The following COL25A1 variants were observed in gnomAD, a reference collection of about 807,000 sequenced individuals.
The protein encoded by COL25A1 is collagen alpha-1(XXV) chain.
A neutral mutation model predicts 128.4 loss-of-function variants in COL25A1; 103 were observed. The observed-to-expected ratio is 0.80, with a 90% confidence interval of 0.68 to 0.94. The LOEUF is 0.94. Ranked by LOEUF, COL25A1 falls within the 40% of genes least tolerant of loss-of-function variation. The pLI is 0.00. For missense variants in COL25A1, 745 were observed against 840.0 expected (o/e 0.89, Z 1.40); for synonymous variants, 279 against 277.2 (o/e 1.01, Z -0.06).
chr4:109,065,296 T>C (rs1762323971), intron 3 of COL25A1, among the ~76,000 whole-genome samples: 1 of 152,122 alleles, frequency 6.6e-6, no homozygotes, highest in Non-Finnish European at 1.5e-5. Flanking sequence ...GAGGACTGTT[T>C]AGAAGTAGGA....
At chr4:109,252,298 G>A (rs1222843683) in intron 3 of COL25A1, among the ~76,000 whole-genome samples, 1 of 152,200 alleles carries the variant, frequency 6.6e-6, no homozygotes, top group Non-Finnish European at 1.5e-5. Flanking sequence ...GGGACTAAGT[G>A]CTGGTCTCTG....
chr4:109,151,027 G>T (rs1257064944), intron 3 of COL25A1, among the ~76,000 whole-genome samples: 1 of 151,998 alleles, frequency 6.6e-6, no homozygotes, highest in Non-Finnish European at 1.5e-5. Flanking sequence ...CTGCAAAAAA[G>T]AGAAATTTGA....
chr4:108,828,424 C>T (rs1484646707), intron 32 of COL25A1, among the ~76,000 whole-genome samples: 3 of 152,124 alleles, frequency 2.0e-5, no homozygotes, highest in African/African-American at 2.4e-5. Flanking sequence ...CGTGAGCCAC[C>T]GTGCCTGGCC....
chr4:109,266,022 G>GTT (rs77148435), intron 3 of COL25A1, among the ~76,000 whole-genome samples: 3 of 151,720 alleles, frequency 2.0e-5, no homozygotes, highest in Admixed American at 2.0e-4. Context: ...CTGTGTTAAA[G>GTT]TTTTTTTTAA....
intron 6 of COL25A1, among the ~76,000 whole-genome samples, chr4:108,993,274 C>A (rs930444756): frequency 1.3e-4 from 20 of 152,186 alleles, no homozygotes; most frequent in African/African-American, 4.8e-4. Context: ...CGCATGAGAA[C>A]ACGAGGTATT....
intron 10 of COL25A1, among the ~76,000 whole-genome samples, chr4:108,939,111 G>C (rs1198478938): frequency 6.6e-6 from 1 of 152,104 alleles, no homozygotes; most frequent in Non-Finnish European, 1.5e-5. Flanking sequence ...TTTCAGTATA[G>C]TATAGCATAT....
At chr4:108,942,140 G>A in intron 8 of COL25A1, 1 of 1,488,074 alleles carries the variant, frequency 6.7e-7, no homozygotes, top group Non-Finnish European at 9.2e-7. Flanking sequence ...CAAGCCAATT[G>A]AATGGTTCCT....
chr4:109,155,664 A>T (rs1321295353), intron 3 of COL25A1, among the ~76,000 whole-genome samples: 1 of 152,242 alleles, frequency 6.6e-6, no homozygotes, highest in Non-Finnish European at 1.5e-5. Flanking sequence ...TATTGCTATG[A>T]TGTTCAAAAT....
intron 15 of COL25A1, among the ~76,000 whole-genome samples, chr4:108,897,386 T>A (rs975340216): frequency 6.6e-6 from 1 of 152,210 alleles, no homozygotes; most frequent in South Asian, 2.1e-4. Flanking sequence ...TACAAAGCAA[T>A]GCATTAGGGA....
intron 3 of COL25A1, among the ~76,000 whole-genome samples, chr4:109,167,347 G>A (rs1773165802): frequency 1.3e-5 from 2 of 152,240 alleles, no homozygotes; most frequent in South Asian, 4.1e-4. Context: ...TCTGAGTTAT[G>A]CCCTATAACT....
chr4:109,244,664 T>C (rs1780143496), intron 3 of COL25A1, among the ~76,000 whole-genome samples: 1 of 152,128 alleles, frequency 6.6e-6, no homozygotes, highest in Non-Finnish European at 1.5e-5. Context: ...CATTCTTCAC[T>C]TGAGTGATTC....
chr4:109,237,621 CT>C (rs543716898), intron 3 of COL25A1, among the ~76,000 whole-genome samples: 12,288 of 136,450 alleles, frequency 0.09, 1,083 homozygotes, highest in African/African-American at 0.24. Flanking sequence ...TGATGGCAAT[CT>C]TTTTTTTTTT....
intron 3 of COL25A1, among the ~76,000 whole-genome samples, chr4:109,195,824 T>C (rs961494912): frequency 6.6e-6 from 1 of 152,072 alleles, no homozygotes; most frequent in Admixed American, 6.5e-5. Flanking sequence ...AACAAATCCA[T>C]AACAAGAATA....
At chr4:109,014,231 C>CG (rs935325948) in intron 5 of COL25A1, among the ~76,000 whole-genome samples, 2 of 151,670 alleles carry the variant, frequency 1.3e-5, no homozygotes, top group Admixed American at 6.6e-5. Flanking sequence ...CACTTGAGTC[C>CG]GGGGGGCAGA....
intron 24 of COL25A1, among the ~76,000 whole-genome samples, chr4:108,856,756 A>C (rs1232336505): frequency 1.3e-5 from 2 of 152,136 alleles, no homozygotes; most frequent in African/African-American, 4.8e-5. Flanking sequence ...TAAAGATGAG[A>C]AAAAGAAACA....
intron 3 of COL25A1, among the ~76,000 whole-genome samples, chr4:109,118,893 C>T (rs1394485488): frequency 6.6e-6 from 1 of 151,988 alleles, no homozygotes; most frequent in Non-Finnish European, 1.5e-5. Flanking sequence ...TGGACTACTT[C>T]ATCAACCAAC....
intron 3 of COL25A1, among the ~76,000 whole-genome samples, chr4:109,164,661 C>T (rs1772899737): frequency 6.6e-6 from 1 of 152,042 alleles, no homozygotes; most frequent in African/African-American, 2.4e-5. Context: ...GTTCAAAAGT[C>T]CTGTAGGGTG....
chr4:109,189,547 CAAAAAAAAAAAA>C (rs33989375), intron 3 of COL25A1, among the ~76,000 whole-genome samples: 1 of 53,606 alleles, frequency 1.9e-5, no homozygotes, highest in South Asian at 9.4e-4. Context: ...GACTCCATCT[CAAAAAAAAAAAA>C]AAAAAAAAAA....
At chr4:109,281,938 TC>T (rs1560976917) in intron 3 of COL25A1, among the ~76,000 whole-genome samples, 1 of 152,156 alleles carries the variant, frequency 6.6e-6, no homozygotes, top group Non-Finnish European at 1.5e-5. Context: ...AAAATCACTT[TC>T]CCCCAAGAAC....
Sources: allele counts gnomAD v4.1 joint callset (sites outside exome capture counted in the v4.1 genomes callset), GRCh38; gene constraint gnomAD v4.1.1; transcripts MANE v1.5; gene names NCBI Gene and HGNC (gene_info 2026-07-23, HGNC 2026-07-21).